CPEB1: variants seen among roughly 807,000 people sequenced by gnomAD.
The protein encoded by CPEB1 is cytoplasmic polyadenylation element binding protein 1.
In CPEB1, 7 loss-of-function variants were observed where a neutral mutation model predicts 65.8. The ratio of observed to expected loss-of-function variants is 0.11; its 90% CI spans 0.06 to 0.20. CPEB1 has a LOEUF of 0.20. CPEB1 is among the 10% of genes least tolerant of loss of function. The pLI, the probability that CPEB1 is intolerant of heterozygous loss-of-function variation, is 1.00. For missense variants in CPEB1, 551 were observed against 712.2 expected, an observed-to-expected ratio of 0.77 and a Z score of 2.58; for synonymous variants, 262 against 260.0, an observed-to-expected ratio of 1.01 and a Z score of -0.08.
chr15:82,645,052 A>G lies in CPEB1; in HGVS notation c.-98+2085T>C, dbSNP rs74932229. 9.6e-3 allele frequency among the ~76,000 whole-genome samples: 1,465 copies of G among 152,218 alleles called. 24 individuals are homozygous for G. Among genetic ancestry groups the G allele is most frequent in the African/African-American group, 0.028 (1,169 of 41,534 alleles). On this transcript the variant is annotated intron_variant, in intron 1 of 12. Transcript: ENST00000684509. ...ATTCACCACAGGCATCAGCTCTCCA[A>G]CCTCTGATGTGCTGCACAGGCTGGC...
At chr15:82,581,423 T>C (rs1305849186) in intron 3 of CPEB1, among the ~76,000 whole-genome samples, 2 of 152,250 alleles carry the variant, frequency 1.3e-5, no homozygotes, top group African/African-American at 4.8e-5. Context: ...CATACAAATA[T>C]GTGTTCAAGT....
intron 8 of CPEB1, among the ~76,000 whole-genome samples, chr15:82,553,159 A>G (rs968132780): frequency 2.0e-5 from 3 of 152,154 alleles, no homozygotes; most frequent in African/African-American, 4.8e-5. Flanking sequence ...AAAGCTTTTC[A>G]AACGCCTTAT....
chr15:82,585,079 T>C (rs1255295188), intron 3 of CPEB1, among the ~76,000 whole-genome samples: 1 of 151,904 alleles, frequency 6.6e-6, no homozygotes, highest in Non-Finnish European at 1.5e-5. Flanking sequence ...GATATTAGGA[T>C]CATAAATTTA....
At chr15:82,600,322 GAGAA>G (rs2042994654) in intron 3 of CPEB1, among the ~76,000 whole-genome samples, 1 of 152,126 alleles carries the variant, frequency 6.6e-6, no homozygotes, top group East Asian at 1.9e-4. Context: ...AAATGAACGT[GAGAA>G]AGAGATTTTC....
intron 3 of CPEB1, among the ~76,000 whole-genome samples, chr15:82,609,041 A>G (rs2043886906): frequency 6.6e-6 from 1 of 152,218 alleles, no homozygotes; most frequent in African/African-American, 2.4e-5. Flanking sequence ...ACAGAAGGAA[A>G]ACTGGAAAAT....
At chr15:82,595,709 T>G (rs36109438) in intron 3 of CPEB1, among the ~76,000 whole-genome samples, 60,651 of 152,114 alleles carry the variant, frequency 0.4, 12,152 homozygotes, top group South Asian at 0.49. Flanking sequence ...TGAAGAAACG[T>G]TCTCTTCTGG....
At chr15:82,580,139 G>A (rs907504004) in intron 3 of CPEB1, among the ~76,000 whole-genome samples, 1 of 151,264 alleles carries the variant, frequency 6.6e-6, no homozygotes, top group African/African-American at 2.4e-5. Context: ...GGCCAACATG[G>A]TGAAACCCCT....
rs780927092 is a variant in CPEB1, at chr15:82,553,640, C to T, written c.1055-84G>A. On this transcript the variant is annotated intron_variant, in intron 7 of 12. Transcript: ENST00000684509. ...ACAAACACAGAATCACCAGCATTCT[C>T]CTCCCTGGCTCATCCCCACTGACAA... 22 of 1,036,274 alleles carry T rather than the reference C, an allele frequency of 2.1e-5. No individual in the cohort carries two copies. The Admixed American group carries it at 3.9e-4, about 19-fold the overall frequency. The allele number at this position is 1,036,274 out of a possible 1,614,324, so 64.2% of individuals were successfully genotyped here.
At chr15:82,620,457 T>C (rs1304333981) in intron 3 of CPEB1, among the ~76,000 whole-genome samples, 1 of 151,928 alleles carries the variant, frequency 6.6e-6, no homozygotes, top group Non-Finnish European at 1.5e-5. Flanking sequence ...TATCTGTGAT[T>C]CCATTTATGT....
intron 3 of CPEB1, among the ~76,000 whole-genome samples, chr15:82,605,764 C>A (rs911131280): frequency 2.0e-5 from 3 of 152,138 alleles, no homozygotes; most frequent in African/African-American, 7.2e-5. Flanking sequence ...TGTGGCCGGG[C>A]ACAGTGGCTC....
intron 3 of CPEB1, among the ~76,000 whole-genome samples, chr15:82,600,452 A>G (rs2043005164): frequency 6.6e-6 from 1 of 152,132 alleles, no homozygotes; most frequent in Non-Finnish European, 1.5e-5. Flanking sequence ...AGAAATTCAG[A>G]GAAAAAAAAA....
In CPEB1 at chr15:82,544,459, G is replaced by A. The variant is rs2034813821; in HGVS notation, c.*133C>T. On this transcript the variant is annotated 3_prime_UTR_variant, in exon 13 of 13. Coordinates refer to ENST00000684509, the MANE Select transcript of CPEB1 (RefSeq NM_001365242.1). ...GCAGAAACAAAGACAGATTCAGCAA[G>A]TGCAAAGGTGACTACAATTTTCCCT... 4.7e-6 allele frequency: 3 copies of A among 634,592 alleles called. No individual in the cohort carries two copies. The highest frequency in any genetic ancestry group is 3.9e-5 in the South Asian group (2 of 51,724). The allele number at this position is 634,592 out of a possible 1,614,324, so 39.3% of individuals were successfully genotyped here. A position where few individuals can be genotyped will look rare whatever the true frequency, so the allele number is the denominator to read the frequency against.
At chr15:82,581,967 C>G (rs2041322179) in intron 3 of CPEB1, among the ~76,000 whole-genome samples, 1 of 152,186 alleles carries the variant, frequency 6.6e-6, no homozygotes, top group Admixed American at 6.5e-5. Context: ...AGCTGGGTAT[C>G]TTTCCTTGAG....
chr15:82,617,229 T>G (rs750250039), intron 3 of CPEB1, among the ~76,000 whole-genome samples: 1 of 152,252 alleles, frequency 6.6e-6, no homozygotes, highest in Admixed American at 6.5e-5. Flanking sequence ...CATGTTGTAG[T>G]AGCAACAATA....
intron 1 of CPEB1, among the ~76,000 whole-genome samples, chr15:82,633,803 T>C (rs533998496): frequency 6.6e-6 from 1 of 152,286 alleles, no homozygotes; most frequent in East Asian, 1.9e-4. Context: ...AGGGAAATGG[T>C]CTGAAGAAAA....
chr15:82,634,855 T>C (rs1211827077), intron 1 of CPEB1, among the ~76,000 whole-genome samples: 1 of 152,172 alleles, frequency 6.6e-6, no homozygotes, highest in African/African-American at 2.4e-5. Flanking sequence ...AATTTGCCTT[T>C]ATTTTTCTAT....
intron 3 of CPEB1, among the ~76,000 whole-genome samples, chr15:82,606,038 C>CA (rs1434804416): frequency 6.1e-5 from 9 of 148,434 alleles, no homozygotes; most frequent in South Asian, 2.1e-4. Flanking sequence ...AACTCCACCT[C>CA]AAAAAAAAAG....
rs781607914 is a variant in CPEB1 at position 82,553,482 on chromosome 15, G to A, written c.1129C>T (p.Arg377Trp). Residue 377 changes from arginine (R) to tryptophan (W), a missense_variant, in exon 8 of 13, where the codon CGG (arginine) becomes TGG (tryptophan). Arg to Trp is a moderately radical substitution (Grantham distance 101). This residue lies in a region of CPEB1 where 99 missense variants were observed against 161.3 expected (regional missense o/e 0.61). Coordinates refer to ENST00000684509, the MANE Select transcript of CPEB1 (RefSeq NM_001365242.1). ...EWPGKDGKHP[R>W]CPPKGYVYLV... ...GGCATATTACCTTTGGGAGGACACC[G>A]GGGATGCTTGCCATCCTTACCAGGC... The A allele has an allele frequency of 1.2e-6, 2 of 1,613,540 alleles. No homozygotes were observed. The highest frequency in any genetic ancestry group is 1.1e-5 in the South Asian group (1 of 91,016).
intron 3 of CPEB1, among the ~76,000 whole-genome samples, chr15:82,605,761 G>A (rs1187242107): frequency 2.0e-5 from 3 of 152,112 alleles, no homozygotes; most frequent in Non-Finnish European, 2.9e-5. Flanking sequence ...ATTTGTGGCC[G>A]GGCACAGTGG....
Sources: allele counts gnomAD v4.1 joint callset (sites outside exome capture counted in the v4.1 genomes callset), GRCh38; gene constraint gnomAD v4.1.1; regional missense constraint gnomAD v4.1.1; transcripts MANE v1.5; gene names NCBI Gene and HGNC (gene_info 2026-07-23, HGNC 2026-07-21).